ATG13: variants seen among roughly 807,000 people sequenced by gnomAD.
ATG13 encodes the protein autophagy related 13.
ATG13 carries 23 observed loss-of-function variants against 65.5 expected under a neutral mutation model. The ratio of observed to expected loss-of-function variants is 0.35; its 90% CI spans 0.25 to 0.50. The LOEUF (loss-of-function observed/expected upper bound fraction) is 0.50. Ranked by LOEUF, ATG13 falls within the 20% of genes least tolerant of loss-of-function variation. The pLI, the probability that ATG13 is intolerant of heterozygous loss-of-function variation, is 0.98. For missense variants in ATG13, 566 were observed against 677.0 expected, an observed-to-expected ratio of 0.84 and a Z score of 1.82; for synonymous variants, 252 against 245.2, an observed-to-expected ratio of 1.03 and a Z score of -0.26.
At position 46,672,758 on chromosome 11, in the gene ATG13, G is replaced by A; in HGVS notation, c.*426G>A. ...TCCAGCTGGTGGCCAAGAGATTGGTGTGGAGTCGCAGAAAGAGGAAGGAGA... is the reference window on the plus strand; with the variant it reads ...TCCAGCTGGTGGCCAAGAGATTGGTATGGAGTCGCAGAAAGAGGAAGGAGA... On this transcript the variant is annotated 3_prime_UTR_variant, in exon 19 of 19. Coordinates refer to ENST00000683050, the MANE Select transcript of ATG13 (RefSeq NM_001346311.2). The A allele has an allele frequency of 8.3e-7, 1 of 1,202,646 alleles. No homozygotes were observed. Among genetic ancestry groups the A allele is most frequent in the South Asian group, 1.2e-5 (1 of 82,986 alleles). The allele number at this position is 1,202,646 out of a possible 1,614,324, so 74.5% of individuals were successfully genotyped here. A position where few individuals can be genotyped will look rare whatever the true frequency, so the allele number is the denominator to read the frequency against.
chr11:46,654,441 C>T (rs1187484553), intron 7 of ATG13, among the ~76,000 whole-genome samples: 1 of 149,248 alleles, frequency 6.7e-6, no homozygotes, highest in Non-Finnish European at 1.5e-5. Context: ...GAGGCCAGGA[C>T]CAGGGGCAGT....
At chr11:46,657,227 C>A in intron 9 of ATG13, 36 bp downstream of exon 9, 2 of 1,570,130 alleles carry the variant, frequency 1.3e-6, no homozygotes, top group Non-Finnish European at 1.8e-6. Flanking sequence ...AGAACTCTTC[C>A]GAAAATGTTA....
At chr11:46,668,211 C>T (rs1014550436) in intron 15 of ATG13, among the ~76,000 whole-genome samples, 2 of 152,218 alleles carry the variant, frequency 1.3e-5, no homozygotes, top group East Asian at 1.9e-4. Context: ...TCCTCCTCAG[C>T]GGGGCCAGTG....
chr11:46,661,877 G>A (rs1342191244), intron 11 of ATG13, among the ~76,000 whole-genome samples: 1 of 152,182 alleles, frequency 6.6e-6, no homozygotes, highest in African/African-American at 2.4e-5. Flanking sequence ...TGTTTCAAAA[G>A]CAGGAGTTAA....
In ATG13 at chr11:46,672,328, A is replaced by G. The variant is rs1161023682; in HGVS notation, c.1649A>G (p.Gln550Arg). 4 of 1,614,132 alleles carry G rather than the reference A, an allele frequency of 2.5e-6. No homozygotes were observed. Among genetic ancestry groups the G allele is most frequent in the Non-Finnish European group, 3.4e-6 (4 of 1,180,044 alleles). Residue 550 changes from glutamine (Q) to arginine (R), a missense_variant, in exon 19 of 19, where the codon CAG becomes CGG. By Grantham distance (43) the Gln-to-Arg change is conservative. Around this residue, in one of 2 missense-constraint regions of ATG13, gnomAD observed 387 missense variants for 409.8 expected, o/e 0.94. Coordinates refer to ENST00000683050, the MANE Select transcript of ATG13 (RefSeq NM_001346311.2). Reference protein sequence around the residue: ...REFDAFVETLQ With the variant: ...REFDAFVETLR ...TTTGATGCCTTTGTGGAAACCCTGC[A>G]GTAAAAGTATCCTTGAGTCCCAGCA... is the stretch of plus-strand genomic sequence containing the variant.
chr11:46,651,739 C>G (rs987632665), intron 7 of ATG13, among the ~76,000 whole-genome samples: 2 of 152,176 alleles, frequency 1.3e-5, no homozygotes, highest in East Asian at 1.9e-4. Flanking sequence ...AATATCCTAG[C>G]AAGCCTAACC....
chr11:46,655,488 G>A (rs1274031885), intron 7 of ATG13, among the ~76,000 whole-genome samples: 4 of 152,028 alleles, frequency 2.6e-5, no homozygotes, highest in Admixed American at 6.6e-5. Flanking sequence ...TAGGAGAATC[G>A]CTTGAACCCA....
chr11:46,663,690 G>C (rs1205688284), intron 11 of ATG13, among the ~76,000 whole-genome samples: 1 of 152,166 alleles, frequency 6.6e-6, no homozygotes, highest in Non-Finnish European at 1.5e-5. Context: ...ACAGACTAAT[G>C]GTTGACTCAA....
rs1162732821 is a variant in ATG13, at chr11:46,669,495, C to A, written c.1538C>A (p.Ser513Tyr). Reference sequence around the variant, plus strand: ...AACCCACCTCAGCTGAGCAGCCTCTCCATAGATATTGGAGCACAGTCCATG... The same window carrying A: ...AACCCACCTCAGCTGAGCAGCCTCTACATAGATATTGGAGCACAGTCCATG... ...FQNPPQLSSL[S>Y]IDIGAQSMAE... The change falls in exon 18 of 19, where the codon TCC becomes TAC. Residue 513 changes from serine to tyrosine, a missense_variant. Transcript: ENST00000683050. The A allele has an allele frequency of 1.9e-6, 3 of 1,614,118 alleles. No homozygotes were observed. The Admixed American group carries it at 5.0e-5, about 27-fold the overall frequency.
intron 2 of ATG13, among the ~76,000 whole-genome samples, chr11:46,642,485 TAGTAG>T (rs1406109421): frequency 1.3e-5 from 2 of 151,762 alleles, no homozygotes; most frequent in Admixed American, 6.6e-5. Flanking sequence ...TTTGCATTTT[TAGTAG>T]AGACGGGTTT....
rs1344865698 is a variant in ATG13 at position 46,672,828 on chromosome 11, T to A, written c.*496T>A. The A allele has an allele frequency of 7.9e-7, 1 of 1,260,716 alleles. No homozygotes were observed. 78.1% of individuals were successfully genotyped at this position (1,260,716 alleles called of 1,614,324 possible). A position where few individuals can be genotyped will look rare whatever the true frequency, so the allele number is the denominator to read the frequency against. On this transcript the variant is annotated 3_prime_UTR_variant, in exon 19 of 19. Coordinates refer to ENST00000683050, the MANE Select transcript of ATG13 (RefSeq NM_001346311.2). Reference sequence around the variant, plus strand: ...GAAGGAGTCCCTTAGCTCTCTTCATTGTCCCCTTTACTTCCTGCTATCTTC... The same window carrying A: ...GAAGGAGTCCCTTAGCTCTCTTCATAGTCCCCTTTACTTCCTGCTATCTTC...
chr11:46,624,343 G>T (rs1030767542), intron 1 of ATG13, among the ~76,000 whole-genome samples: 1 of 152,134 alleles, frequency 6.6e-6, no homozygotes, highest in Non-Finnish European at 1.5e-5. Flanking sequence ...CTGTTACCTA[G>T]TATACAGTTG....
chr11:46,646,137 TTTTG>T lies in ATG13; in HGVS notation c.270+160_270+163del, dbSNP rs981003079. On this transcript the variant is annotated intron_variant, in intron 5 of 18. Transcript: ENST00000683050. ...GGGGGTCATAGTTTTTTTTGTTCTT[TTTTG>T]TTTGTTTGTTTTGTTTTGTTTTTTT... is the stretch of plus-strand genomic sequence containing the variant. 27 of 1,200,580 alleles carry T rather than the reference TTTTG, an allele frequency of 2.2e-5. No individual in the cohort carries two copies. The East Asian group carries it at 4.2e-4, about 19-fold the overall frequency. 74.4% of individuals were successfully genotyped at this position (1,200,580 alleles called of 1,614,324 possible).
chr11:46,661,395 A>G (rs902218420), intron 11 of ATG13, among the ~76,000 whole-genome samples: 13 of 150,780 alleles, frequency 8.6e-5, no homozygotes, highest in African/African-American at 2.9e-4. Context: ...GTGGGCGCCT[A>G]TAATCCCAGC....
intron 5 of ATG13, among the ~76,000 whole-genome samples, chr11:46,648,154 G>A (rs2058114950): frequency 6.6e-6 from 1 of 151,364 alleles, no homozygotes; most frequent in Non-Finnish European, 1.5e-5. Context: ...GGAGTGCAGT[G>A]GCACGATCTT....
At position 46,617,803 on chromosome 11, in the gene ATG13, C is replaced by T; in HGVS notation, c.-157C>T. On this transcript the variant is annotated 5_prime_UTR_variant, in exon 1 of 19. Transcript: ENST00000683050. ...TCACTGCAGCTCCGGAGCGCGGAACCCTCAGCCAGGAGGCGCGGCTGGTCG... is the reference window on the plus strand; with the variant it reads ...TCACTGCAGCTCCGGAGCGCGGAACTCTCAGCCAGGAGGCGCGGCTGGTCG... 1 of 399,280 alleles carries T rather than the reference C, an allele frequency of 2.5e-6. No homozygotes were observed. The highest frequency in any genetic ancestry group is 3.6e-5 in the East Asian group (1 of 28,082). The allele number at this position is 399,280 out of a possible 1,614,324, so 24.7% of individuals were successfully genotyped here.
intron 11 of ATG13, among the ~76,000 whole-genome samples, chr11:46,663,003 C>T: frequency 6.6e-6 from 1 of 152,110 alleles, no homozygotes. Flanking sequence ...CGGTGGCTCA[C>T]ACCTGTAATC....
intron 2 of ATG13, among the ~76,000 whole-genome samples, chr11:46,631,790 G>T (rs1285023259): frequency 1.3e-5 from 2 of 152,114 alleles, no homozygotes; most frequent in East Asian, 3.9e-4. Flanking sequence ...GAGATGGGAG[G>T]ATCACTTGGG....
Position 46,664,914 on chromosome 11 carries a change from T to C in ATG13, c.954T>C (p.Tyr318=), listed in dbSNP as rs767804933. ...ALGVGSADLA[Y]PVVFAAGLNA... ...GCGTTGGATCAGCTGACCTGGCTTA[T>C]CCAGTAGTGTTTGCTGCTGGCTTAA... The change falls in exon 13 of 19, where the codon TAT becomes TAC. Residue 318 remains tyrosine, a synonymous_variant. Transcript: ENST00000683050. 6.2e-7 allele frequency: 1 copy of C among 1,614,016 alleles called. No homozygotes were observed. Among genetic ancestry groups the C allele is most frequent in the African/African-American group, 1.3e-5 (1 of 75,052 alleles).
Sources: allele counts gnomAD v4.1 joint callset (sites outside exome capture counted in the v4.1 genomes callset), GRCh38; gene constraint gnomAD v4.1.1; regional missense constraint gnomAD v4.1.1; transcripts MANE v1.5; gene names NCBI Gene and HGNC (gene_info 2026-07-23, HGNC 2026-07-21).